The following FOXN3 variants were observed in gnomAD, a reference collection of about 807,000 sequenced individuals.
The protein encoded by FOXN3 is forkhead box protein N3.
FOXN3 carries 7 observed loss-of-function variants against 38.4 expected under a neutral mutation model. That is an observed-to-expected ratio of 0.18 (90% CI 0.10 to 0.34). The LOEUF (loss-of-function observed/expected upper bound fraction) is 0.34, where lower values mean the gene tolerates loss of function less well. Ranked by LOEUF, FOXN3 falls within the 10% of genes least tolerant of loss-of-function variation. The pLI, the probability that FOXN3 is intolerant of heterozygous loss-of-function variation, is 1.00. For synonymous variants in FOXN3, 230 were observed against 242.2 expected (o/e 0.95, Z 0.47); for missense variants, 456 against 613.4 (o/e 0.74, Z 2.71).
intron 1 of FOXN3, among the ~76,000 whole-genome samples, chr14:89,464,850 AC>A (rs1206740723): frequency 6.6e-6 from 1 of 151,992 alleles, no homozygotes. Flanking sequence ...GCTGCCCACC[AC>A]CACGCCCGGC....
At chr14:89,493,701 T>C (rs1164736823) in intron 1 of FOXN3, among the ~76,000 whole-genome samples, 1 of 152,182 alleles carries the variant, frequency 6.6e-6, no homozygotes, top group African/African-American at 2.4e-5. Context: ...CACCTGATCA[T>C]TCTGATATAA....
chr14:89,343,228 C>T (rs556790559), intron 3 of FOXN3, among the ~76,000 whole-genome samples: 2 of 152,188 alleles, frequency 1.3e-5, no homozygotes, highest in African/African-American at 4.8e-5. Context: ...GAATTAACAC[C>T]GTTATGTTAA....
intron 1 of FOXN3, among the ~76,000 whole-genome samples, chr14:89,535,449 C>T (rs963132364): frequency 6.6e-6 from 1 of 152,176 alleles, no homozygotes; most frequent in Non-Finnish European, 1.5e-5. Context: ...CTTGAGCTTC[C>T]TGAATCTTCA....
At chr14:89,303,125 ACCC>A (rs1298610232) in intron 3 of FOXN3, among the ~76,000 whole-genome samples, 3 of 151,658 alleles carry the variant, frequency 2.0e-5, no homozygotes, top group African/African-American at 7.3e-5. Flanking sequence ...TTCTCCTGCC[ACCC>A]CTTGTCTTTT....
At chr14:89,305,223 G>A (rs956944631) in intron 3 of FOXN3, among the ~76,000 whole-genome samples, 15 of 152,142 alleles carry the variant, frequency 9.9e-5, no homozygotes, top group African/African-American at 3.4e-4. Context: ...TGGTGAACTC[G>A]CGGCTCCTGC....
At chr14:89,450,570 C>G (rs1270628444) in intron 1 of FOXN3, among the ~76,000 whole-genome samples, 3 of 149,600 alleles carry the variant, frequency 2.0e-5, no homozygotes, top group Non-Finnish European at 4.4e-5. Context: ...AAAAAAATAA[C>G]ATTCTCGACT....
intron 1 of FOXN3, among the ~76,000 whole-genome samples, chr14:89,616,217 AG>A (rs1002388182): frequency 1.4e-5 from 2 of 142,442 alleles, no homozygotes; most frequent in Non-Finnish European, 3.1e-5. Flanking sequence ...GGTGGAGGCT[AG>A]GGGGAGGGGA....
rs184051589 is a variant in FOXN3, at chr14:89,464,853, A to G, written c.-14-52363T>C. Among the ~76,000 whole-genome samples the G allele has an allele frequency of 1.3e-5, 2 of 151,994 alleles. 1 individual carries two copies. Among genetic ancestry groups the G allele is most frequent in the East Asian group, 3.9e-4 (2 of 5,144 alleles). On this transcript the variant is annotated intron_variant, in intron 1 of 6. Transcript: ENST00000345097. ...GCTGGGATTACAGCTGCCCACCACC[A>G]CGCCCGGCTAATTTTTGTACTTTTG...
chr14:89,477,576 G>A (rs1360360386), intron 1 of FOXN3, among the ~76,000 whole-genome samples: 1 of 152,184 alleles, frequency 6.6e-6, no homozygotes, highest in African/African-American at 2.4e-5. Flanking sequence ...GAGTGCCAAG[G>A]CCTTCTTCCT....
At chr14:89,471,755 TA>T (rs1893099142) in intron 1 of FOXN3, among the ~76,000 whole-genome samples, 1 of 152,142 alleles carries the variant, frequency 6.6e-6, no homozygotes, top group Admixed American at 6.5e-5. Flanking sequence ...TGCCTGAAGT[TA>T]GGGGTGGCCA....
At chr14:89,616,977 A>C (rs2139963449) in intron 1 of FOXN3, among the ~76,000 whole-genome samples, 1 of 152,326 alleles carries the variant, frequency 6.6e-6, no homozygotes, top group South Asian at 2.1e-4. Flanking sequence ...ACAGAAGCCA[A>C]CAAGTTCTCC....
chr14:89,324,502 A>G (rs1298049532), intron 3 of FOXN3, among the ~76,000 whole-genome samples: 1 of 150,850 alleles, frequency 6.6e-6, no homozygotes, highest in Non-Finnish European at 1.5e-5. Context: ...CCACATCTTT[A>G]CTAGCAGGGA....
At chr14:89,565,669 G>GA (rs1228040479) in intron 1 of FOXN3, among the ~76,000 whole-genome samples, 2 of 152,016 alleles carry the variant, frequency 1.3e-5, no homozygotes, top group Non-Finnish European at 2.9e-5. Flanking sequence ...AAGGGGAGAT[G>GA]AAAAAAAGGA....
chr14:89,536,663 A>G (rs1426954692), intron 1 of FOXN3, among the ~76,000 whole-genome samples: 1 of 152,136 alleles, frequency 6.6e-6, no homozygotes, highest in Non-Finnish European at 1.5e-5. Flanking sequence ...CTGAAATCCC[A>G]GCTATTTGGG....
At chr14:89,486,399 G>C (rs1027823262) in intron 1 of FOXN3, among the ~76,000 whole-genome samples, 1 of 152,138 alleles carries the variant, frequency 6.6e-6, no homozygotes, top group Non-Finnish European at 1.5e-5. Context: ...TGTCAAGTCT[G>C]ATCAGCTGCA....
rs887136193 is a variant in FOXN3, at chr14:89,170,824, A to G, written c.852-7855T>C. Among the ~76,000 whole-genome samples, 11 of 152,312 alleles carry G rather than the reference A, an allele frequency of 7.2e-5. No individual in the cohort carries two copies. In the East Asian group the frequency reaches 1.9e-3, roughly 27 times the overall value. On this transcript the variant is annotated intron_variant, in intron 5 of 5. Transcript: ENST00000557258. ...AAAATGGCAATTAGAAAATACTTATACCTTAACAATAATTAAAATAAATAT... is the reference window on the plus strand; with the variant it reads ...AAAATGGCAATTAGAAAATACTTATGCCTTAACAATAATTAAAATAAATAT...
intron 1 of FOXN3, among the ~76,000 whole-genome samples, chr14:89,549,360 C>G (rs1894953362): frequency 6.6e-6 from 1 of 150,750 alleles, no homozygotes; most frequent in South Asian, 2.1e-4. Flanking sequence ...ATTCAGGCAA[C>G]AAAAACACCA....
At chr14:89,431,966 C>T (rs747369535) in intron 1 of FOXN3, among the ~76,000 whole-genome samples, 8 of 152,198 alleles carry the variant, frequency 5.3e-5, no homozygotes, top group Admixed American at 3.9e-4. Context: ...CCGCCTGCCT[C>T]GGCCTCCCAA....
chr14:89,330,761 G>A (rs1249181037), intron 3 of FOXN3, among the ~76,000 whole-genome samples: 1 of 152,176 alleles, frequency 6.6e-6, no homozygotes, highest in Non-Finnish European at 1.5e-5. Flanking sequence ...AGCATCACTC[G>A]CTGCTGTAAA....
Sources: allele counts gnomAD v4.1 joint callset (sites outside exome capture counted in the v4.1 genomes callset), GRCh38; gene constraint gnomAD v4.1.1; transcripts MANE v1.5; gene names NCBI Gene and HGNC (gene_info 2026-07-23, HGNC 2026-07-21).